Variants in PLPPR5 observed in about 807,000 individuals in gnomAD.
The protein encoded by PLPPR5 is phospholipid phosphatase related 5.
In PLPPR5, 16 loss-of-function variants were observed where a neutral mutation model predicts 33.9. The ratio of observed to expected loss-of-function variants is 0.47; its 90% confidence interval spans 0.32 to 0.72. PLPPR5 has a LOEUF of 0.72. PLPPR5 is among the 30% of genes least tolerant of loss of function. The pLI, the probability that PLPPR5 is intolerant of heterozygous loss-of-function variation, is 0.03. For missense variants in PLPPR5, 301 were observed against 406.7 expected (o/e 0.74, Z 2.23); for synonymous variants, 163 against 150.3 (o/e 1.08, Z -0.62).
At chr1:98,986,914 A>C (rs1652282837) in intron 1 of PLPPR5, among the ~76,000 whole-genome samples, 1 of 151,814 alleles carries the variant, frequency 6.6e-6, no homozygotes, top group Non-Finnish European at 1.5e-5. Context: ...CTCTGCTATC[A>C]AGATGATTCC....
chr1:98,906,154 CAGTG>C (rs1281155760), intron 5 of PLPPR5, among the ~76,000 whole-genome samples: 1 of 150,322 alleles, frequency 6.7e-6, no homozygotes, highest in African/African-American at 2.5e-5. Flanking sequence ...AGTATATACA[CAGTG>C]TGTGTATATA....
At chr1:98,972,066 T>C (rs946172569) in intron 1 of PLPPR5, among the ~76,000 whole-genome samples, 6 of 152,006 alleles carry the variant, frequency 3.9e-5, no homozygotes, top group Non-Finnish European at 8.8e-5. Flanking sequence ...TGAGTGGTGT[T>C]GGGCCCAAAC....
chr1:98,987,864 G>GT (rs1479359161), intron 1 of PLPPR5, among the ~76,000 whole-genome samples: 4 of 151,830 alleles, frequency 2.6e-5, no homozygotes, highest in Admixed American at 2.0e-4. Context: ...AAGAAAATAT[G>GT]TTTTTTCTCT....
At chr1:98,933,856 G>A (rs924814065) in intron 3 of PLPPR5, among the ~76,000 whole-genome samples, 5 of 152,300 alleles carry the variant, frequency 3.3e-5, no homozygotes, top group East Asian at 1.9e-4. Flanking sequence ...TTTGGGCAAC[G>A]TGAGCAGATG....
intron 4 of PLPPR5, among the ~76,000 whole-genome samples, chr1:98,916,213 G>A (rs541235205): frequency 2.8e-4 from 42 of 152,138 alleles, no homozygotes; most frequent in Non-Finnish European, 3.7e-4. Context: ...GAGATTTTAC[G>A]TCAGAAAAAT....
intron 1 of PLPPR5, among the ~76,000 whole-genome samples, chr1:98,987,878 G>A (rs1652313404): frequency 6.6e-6 from 1 of 151,874 alleles, no homozygotes; most frequent in Admixed American, 6.6e-5. Context: ...TTTCTCTTAA[G>A]CTACCGAAAA....
At chr1:98,968,642 T>C (rs1570742609) in intron 1 of PLPPR5, among the ~76,000 whole-genome samples, 3 of 152,190 alleles carry the variant, frequency 2.0e-5, no homozygotes, top group African/African-American at 4.8e-5. Flanking sequence ...TTATAAATTA[T>C]ATTACTTGGC....
rs533295285 is a variant in PLPPR5, at chr1:98,939,108, A to T, written c.621+13962T>A. 5.3e-5 allele frequency among the ~76,000 whole-genome samples: 8 copies of T among 152,160 alleles called. No homozygotes were observed. The East Asian group carries it at 1.5e-3, about 29-fold the overall frequency. On this transcript the variant is annotated intron_variant, in intron 3 of 5. Transcript: ENST00000263177. The stretch of plus-strand genomic sequence containing the variant: ...TACCTATATAGTAAACCTGCACATG[A>T]ACCCCTGAAATTAAAATAAAATTAA...
chr1:98,924,761 G>T (rs1307267144), intron 3 of PLPPR5, among the ~76,000 whole-genome samples: 1 of 152,062 alleles, frequency 6.6e-6, no homozygotes, highest in Admixed American at 6.6e-5. Context: ...AATGACTCAA[G>T]CAAGGTTCAT....
rs149402386 is a variant in PLPPR5, at chr1:98,928,449, C to T, written c.622-6391G>A. On this transcript the variant is annotated intron_variant, in intron 3 of 5. Transcript: ENST00000263177. Reference sequence around the variant, plus strand: ...CTTATTACTAACTTATATTGATACACGTTGAAATGGTAATAGTTTGGATAC... The same window carrying T: ...CTTATTACTAACTTATATTGATACATGTTGAAATGGTAATAGTTTGGATAC... 4.1e-3 allele frequency among the ~76,000 whole-genome samples: 613 copies of T among 149,946 alleles called. 1 individual carries two copies. Among genetic ancestry groups the T allele is most frequent in the South Asian group, 0.015 (71 of 4,746 alleles).
chr1:98,952,000 C>T (rs921219871), intron 3 of PLPPR5, among the ~76,000 whole-genome samples: 6 of 152,130 alleles, frequency 3.9e-5, no homozygotes, highest in African/African-American at 1.4e-4. Context: ...CAGCAGCTCA[C>T]GCCTGTAATG....
intron 4 of PLPPR5, among the ~76,000 whole-genome samples, chr1:98,917,775 T>C (rs1486632079): frequency 6.6e-6 from 1 of 152,210 alleles, no homozygotes; most frequent in African/African-American, 2.4e-5. Context: ...GCACTTAGTA[T>C]GAAATTAAAC....
intron 4 of PLPPR5, among the ~76,000 whole-genome samples, chr1:98,917,303 C>G (rs1296360025): frequency 6.6e-6 from 1 of 152,182 alleles, no homozygotes; most frequent in East Asian, 1.9e-4. Flanking sequence ...ATATTTGCTT[C>G]ATTTTATCTC....
In PLPPR5 at chr1:98,892,245, T is replaced by A. The variant is rs1648303992; in HGVS notation, c.*827A>T. 6.6e-6 allele frequency: 1 copy of A among 152,340 alleles called. No individual in the cohort carries two copies. The highest frequency in any genetic ancestry group is 1.5e-5 in the Non-Finnish European group (1 of 67,980). The allele number at this position is 152,340 out of a possible 1,614,324, so 9.4% of individuals were successfully genotyped here. On this transcript the variant is annotated 3_prime_UTR_variant, in exon 6 of 6. Transcript: ENST00000263177. ...CTTTTGACCACTCTTGAGACACTGC[T>A]ACCCATGGGAAATTACTCAATAATA...
At chr1:98,920,985 T>A (rs1649532854) in intron 4 of PLPPR5, among the ~76,000 whole-genome samples, 2 of 152,180 alleles carry the variant, frequency 1.3e-5, no homozygotes, top group South Asian at 4.1e-4. Context: ...TATAAAATGT[T>A]ATACACTCAC....
intron 1 of PLPPR5, among the ~76,000 whole-genome samples, chr1:98,958,539 T>G (rs1056785862): frequency 2.0e-5 from 3 of 152,194 alleles, no homozygotes; most frequent in African/African-American, 7.2e-5. Context: ...AACTTCCAAC[T>G]TCCTCCTGAA....
intron 5 of PLPPR5, among the ~76,000 whole-genome samples, chr1:98,907,974 T>A (rs759773471): frequency 3.3e-4 from 50 of 152,226 alleles, no homozygotes; most frequent in Non-Finnish European, 6.3e-4. Context: ...ACAAAAGGTT[T>A]CCTTCATCTG....
At chr1:98,982,298 G>A (rs1262257397) in intron 1 of PLPPR5, among the ~76,000 whole-genome samples, 1 of 151,994 alleles carries the variant, frequency 6.6e-6, no homozygotes, top group Non-Finnish European at 1.5e-5. Flanking sequence ...CCTGCACTAG[G>A]CCCAGTGAAC....
intron 3 of PLPPR5, among the ~76,000 whole-genome samples, chr1:98,931,929 G>A (rs185497600): frequency 1.3e-5 from 2 of 152,184 alleles, no homozygotes; most frequent in East Asian, 3.9e-4. Context: ...CATAGCTGCA[G>A]TTATGAACAG....
Sources: gnomAD v4.1 joint callset for allele counts (sites outside exome capture counted in the v4.1 genomes callset) on GRCh38, gnomAD v4.1.1 for gene constraint, MANE v1.5 for transcripts, NCBI Gene and HGNC (gene_info 2026-07-23, HGNC 2026-07-21) for gene names.